The following HARS2 variants were observed in gnomAD, a reference collection of about 807,000 sequenced individuals.
HARS2 encodes the protein histidine--tRNA ligase, mitochondrial.
Under a neutral mutation model 62.4 loss-of-function variants are expected in HARS2, and 40 were observed. That is an observed-to-expected ratio of 0.64 (90% CI 0.50 to 0.83). The LOEUF is 0.83. Ranked by LOEUF, HARS2 falls within the 40% of genes least tolerant of loss-of-function variation. HARS2 has a pLI of 0.00. For missense variants in HARS2, 569 were observed against 626.4 expected, an observed-to-expected ratio of 0.91 and a Z score of 0.98; for synonymous variants, 228 against 227.0, an observed-to-expected ratio of 1.00 and a Z score of -0.04.
In HARS2 at chr5:140,695,395, G is replaced by T. The variant is rs1356588314; in HGVS notation, c.400-113G>T. ...CTTGGGGATAGTGGAAAAAAGGGAA[G>T]GTCCTTGTTCTTACCCTAGTGGATG... On this transcript the variant is annotated intron_variant, in intron 4 of 12. Transcript: ENST00000230771. 5 of 1,180,250 alleles carry T rather than the reference G, an allele frequency of 4.2e-6. No individual in the cohort carries two copies. The African/African-American group carries it at 6.1e-5, about 14-fold the overall frequency. 73.1% of individuals were successfully genotyped at this position (1,180,250 alleles called of 1,614,324 possible). A position where few individuals can be genotyped will look rare whatever the true frequency, so the allele number is the denominator to read the frequency against.
chr5:140,697,851 G>T, intron 11 of HARS2, 81 bp from the exon 12 acceptor site: 2 of 1,480,626 alleles, frequency 1.4e-6, no homozygotes, highest in Non-Finnish European at 1.9e-6. Context: ...ACTTATCTCT[G>T]GCTTTCTTGG....
Position 140,691,508 on chromosome 5 carries a change from C to A in HARS2, c.-141C>A. ...GAGGATCCCACCTCAGCCTTCGTGA[C>A]TAGTGAGGTGCGCAAACGCCCGAGT... On this transcript the variant is annotated 5_prime_UTR_variant, in exon 1 of 13. Coordinates refer to ENST00000230771, the MANE Select transcript of HARS2 (RefSeq NM_012208.4). 1.3e-6 allele frequency: 1 copy of A among 745,876 alleles called. No individual in the cohort carries two copies. Among genetic ancestry groups the A allele is most frequent in the South Asian group, 1.5e-5 (1 of 65,342 alleles). The allele number at this position is 745,876 out of a possible 1,614,324, so 46.2% of individuals were successfully genotyped here.
Position 140,697,642 on chromosome 5 carries a change from A to G in HARS2, c.1271A>G (p.Glu424Gly). The change falls in exon 11 of 13, where the codon GAA becomes GGA. Residue 424 changes from glutamate (E) to glycine (G), a missense_variant. Physicochemically the swap from Glu to Gly is moderately conservative, Grantham distance 98. Coordinates refer to ENST00000230771, the MANE Select transcript of HARS2 (RefSeq NM_012208.4). ...ACACCACAGAAGAACTTTCTCCAAG[A>G]ACGGTTGAAGCTTATTGCAGAGCTT... is the stretch of plus-strand genomic sequence containing the variant. ...VATPQKNFLQ[E>G]RLKLIAELWD... is the part of the protein sequence containing the mutation. 1 of 1,614,002 alleles carries G rather than the reference A, an allele frequency of 6.2e-7. No individual in the cohort carries two copies. The highest frequency in any genetic ancestry group is 8.5e-7 in the Non-Finnish European group (1 of 1,179,834).
In HARS2 at chr5:140,694,176, C is replaced by T. The variant is rs760604782; in HGVS notation, c.304-9C>T. 1.2e-5 allele frequency: 20 copies of T among 1,608,128 alleles called. No homozygotes were observed. The highest frequency in any genetic ancestry group is 1.7e-5 in the Non-Finnish European group (20 of 1,174,630). On this transcript the variant is annotated splice_polypyrimidine_tract_variant and intron_variant, in intron 3 of 12. Transcript: ENST00000230771. ...TTCAACTGTGGCTCATTCTGTTTGA[C>T]CCCTATAGGAAACCCTGACTGAGAA...
rs754768498 is a variant in HARS2, at chr5:140,697,382, C to T, written c.1173C>T (p.Phe391=). ...TCAGCATTGGGGTTGAGCGAATCTT[C>T]TACATTGTGGAGCAGAGGATGAAGG... The part of the protein sequence containing the change: ...VGLSIGVERI[F]YIVEQRMKTK... The change falls in exon 10 of 13, where the codon TTC becomes TTT. Residue 391 remains phenylalanine (F), a synonymous_variant. Transcript: ENST00000230771. 6.8e-6 allele frequency: 11 copies of T among 1,613,958 alleles called. No individual in the cohort carries two copies. The highest frequency in any genetic ancestry group is 1.1e-5 in the South Asian group (1 of 91,082).
rs1489518800 is a variant in HARS2 at position 140,697,017 on chromosome 5, G to A, written c.901G>A (p.Gly301Arg). 6.2e-7 allele frequency: 1 copy of A among 1,613,860 alleles called. No homozygotes were observed. Among genetic ancestry groups the A allele is most frequent in the African/African-American group, 1.3e-5 (1 of 74,886 alleles). The change falls in exon 9 of 13, where the codon GGA (glycine) becomes AGA (arginine). Residue 301 changes from glycine (G) to arginine (R), a missense_variant. By Grantham distance (125) the Gly-to-Arg change is moderately radical (BLOSUM62 -2). Coordinates refer to ENST00000230771, the MANE Select transcript of HARS2 (RefSeq NM_012208.4). ...SQNKQALEGL[G>R]DLKLLFEYLT... Reference sequence around the variant, plus strand: ...GAACAAGCAGGCCCTGGAGGGCCTGGGAGACCTAAAGCTGCTATTTGAATA... The same window carrying A: ...GAACAAGCAGGCCCTGGAGGGCCTGAGAGACCTAAAGCTGCTATTTGAATA...
rs1304027843 is a variant in HARS2, at chr5:140,693,574, A to G, written c.109-17A>G. 2 of 1,613,974 alleles carry G rather than the reference A, an allele frequency of 1.2e-6. No individual in the cohort carries two copies. Among genetic ancestry groups the G allele is most frequent in the African/African-American group, 1.3e-5 (1 of 74,906 alleles). On this transcript the variant is annotated splice_polypyrimidine_tract_variant and intron_variant, in intron 1 of 12. Coordinates refer to ENST00000230771, the MANE Select transcript of HARS2 (RefSeq NM_012208.4). ...AGTGTCCAGAGAAGCCACATCTCAC[A>G]TTCATTCTTCTGCCAGGTTGCAGAG...
At chr5:140,693,545 GGCCAGTGTCCAGAGAA>G in intron 1 of HARS2, 30 bp from the exon 2 acceptor site, 1 of 1,614,028 alleles carries the variant, frequency 6.2e-7, no homozygotes, top group East Asian at 2.2e-5. Flanking sequence ...CCACAGGTCT[GGCCAGTGTCCAGAGAA>G]GCCACATCTC....
rs1353868553 is a variant in HARS2 at position 140,697,075 on chromosome 5, G to A, written c.954+5G>A. ...TTATTTGGAATTGCTGATAAGGTAA[G>A]CTGAATTGCAAATGGACCTCCTGCT... On this transcript the variant is annotated splice_donor_5th_base_variant and intron_variant, in intron 9 of 12. Coordinates refer to ENST00000230771, the MANE Select transcript of HARS2 (RefSeq NM_012208.4). 4 of 1,614,038 alleles carry A rather than the reference G, an allele frequency of 2.5e-6. No individual in the cohort carries two copies. The Admixed American group carries it at 5.0e-5, about 20-fold the overall frequency.
intron 11 of HARS2, 53 bp downstream of exon 11, chr5:140,697,738 C>T: frequency 3.0e-6 from 4 of 1,342,464 alleles, no homozygotes; most frequent in African/African-American, 2.9e-5. Context: ...ATTTAGGACC[C>T]AGGGCTATAT....
Position 140,694,202 on chromosome 5 carries a change from G to A in HARS2, c.321G>A (p.Lys107=), listed in dbSNP as rs1391533865. 6.2e-7 allele frequency: 1 copy of A among 1,613,380 alleles called. No individual in the cohort carries two copies. The highest frequency in any genetic ancestry group is 8.5e-7 in the Non-Finnish European group (1 of 1,179,386). ...CCCTATAGGAAACCCTGACTGAGAAGTATGGAGAGGACTCTGGGCTCATGT... is the reference window on the plus strand; with the variant it reads ...CCCTATAGGAAACCCTGACTGAGAAATATGGAGAGGACTCTGGGCTCATGT... ...AFELKETLTE[K]YGEDSGLMYD... is the part of the protein sequence containing the mutation. Residue 107 remains lysine, a synonymous_variant, in exon 4 of 13, where the codon AAG becomes AAA. Transcript: ENST00000230771.
intron 4 of HARS2, 27 bp from the exon 5 acceptor site, chr5:140,695,481 C>T (rs547975661): frequency 1.4e-5 from 22 of 1,613,590 alleles, no homozygotes; most frequent in South Asian, 1.2e-4. Flanking sequence ...GATGCAGTAT[C>T]CCTCTTCCTT....
chr5:140,695,716 C>T (rs1759715395), intron 5 of HARS2, 22 bp from the exon 6 acceptor site: 1 of 1,613,078 alleles, frequency 6.2e-7, no homozygotes, highest in African/African-American at 1.3e-5. Context: ...GATGTTTTTT[C>T]CCATCTTTTT....
chr5:140,697,225 C>T lies in HARS2; in HGVS notation c.1016C>T (p.Ala339Val). Residue 339 changes from alanine to valine, a missense_variant, in exon 10 of 13, where the codon GCA becomes GTA. By Grantham distance (64) the Ala-to-Val change is moderately conservative (BLOSUM62 0). Coordinates refer to ENST00000230771, the MANE Select transcript of HARS2 (RefSeq NM_012208.4). ...TACTATACAGGAGTGATCTATGAAG[C>T]AGTGCTGCTGCAGACCCCAACTCAG... ...LDYYTGVIYEAVLLQTPTQAG... is the reference protein window; with the variant it reads ...LDYYTGVIYEVVLLQTPTQAG... 6.2e-7 allele frequency: 1 copy of T among 1,614,132 alleles called. No individual in the cohort carries two copies. The highest frequency in any genetic ancestry group is 1.1e-5 in the South Asian group (1 of 91,078).
rs145259405 is a variant in HARS2, at chr5:140,694,090, C to T, written c.303+36C>T. The T allele has an allele frequency of 2.2e-3, 3,625 of 1,613,266 alleles. 15 individuals carry two copies. Among genetic ancestry groups the T allele is most frequent in the Middle Eastern group, 9.7e-3 (59 of 6,054 alleles). Reference sequence around the variant, plus strand: ...AAGAAAGAGTACGTGCAACCTCACTCACTTCTTCAATGGCGTTCAGTGTCC... The same window carrying T: ...AAGAAAGAGTACGTGCAACCTCACTTACTTCTTCAATGGCGTTCAGTGTCC... On this transcript the variant is annotated intron_variant, in intron 3 of 12. Coordinates refer to ENST00000230771, the MANE Select transcript of HARS2 (RefSeq NM_012208.4).
intron 3 of HARS2, 30 bp downstream of exon 3, chr5:140,694,084 C>A: frequency 1.2e-6 from 2 of 1,613,588 alleles, no homozygotes; most frequent in Non-Finnish European, 8.5e-7. Flanking sequence ...TACGTGCAAC[C>A]TCACTCACTT....
rs771635195 is a variant in HARS2, at chr5:140,698,537, ACTGT to A, written c.1510_1513del (p.Glu505LeufsTer13). 26 of 1,612,608 alleles carry A rather than the reference ACTGT, an allele frequency of 1.6e-5. No homozygotes were observed. The South Asian group carries it at 2.4e-4, about 15-fold the overall frequency. On this transcript the variant is annotated frameshift_variant, in exon 13 of 13. Transcript: ENST00000230771. LOFTEE classifies it high-confidence loss of function. ...ATTTTGTGGCTGAAATTCAGAAGCG[ACTGT>A]CTGAGTCTTGATCCTTGCCTGATTC...
In HARS2 at chr5:140,697,979, C is replaced by T; in HGVS notation, c.1362C>T (p.His454=). 1 of 1,613,790 alleles carries T rather than the reference C, an allele frequency of 6.2e-7. No individual in the cohort carries two copies. The highest frequency in any genetic ancestry group is 2.2e-5 in the East Asian group (1 of 44,892). Residue 454 remains histidine, a synonymous_variant, in exon 12 of 13, where the codon CAC becomes CAT. Coordinates refer to ENST00000230771, the MANE Select transcript of HARS2 (RefSeq NM_012208.4). ...ACCCCAAACTATTAACCCAGCTGCA[C>T]TATTGTGAGAGCACAGGCATTCCAC... ...KNNPKLLTQL[H]YCESTGIPLV...
chr5:140,697,174 A>G lies in HARS2; in HGVS notation c.965A>G (p.Asp322Gly). Reference sequence around the variant, plus strand: ...ATCTTGTCCCCACAGATCTCCTTTGACCTCAGCCTGGCTCGGGGCCTAGAC... The same window carrying G: ...ATCTTGTCCCCACAGATCTCCTTTGGCCTCAGCCTGGCTCGGGGCCTAGAC... ...LFGIADKISF[D>G]LSLARGLDYY... The change falls in exon 10 of 13, where the codon GAC (aspartate) becomes GGC (glycine). Residue 322 changes from aspartate (D) to glycine (G), a missense_variant. By Grantham distance (94) the Asp-to-Gly change is moderately conservative (BLOSUM62 -1). Coordinates refer to ENST00000230771, the MANE Select transcript of HARS2 (RefSeq NM_012208.4). 6.2e-7 allele frequency: 1 copy of G among 1,614,128 alleles called. No individual in the cohort carries two copies. The highest frequency in any genetic ancestry group is 2.2e-5 in the East Asian group (1 of 44,886).
Sources: gnomAD v4.1 joint callset for allele counts on GRCh38, gnomAD v4.1.1 for gene constraint, MANE v1.5 for transcripts, NCBI Gene and HGNC (gene_info 2026-07-23, HGNC 2026-07-21) for gene names.